Variants in KCTD8 observed in about 807,000 individuals in gnomAD.
KCTD8 encodes potassium channel tetramerization domain containing 8.
KCTD8 carries 27 observed loss-of-function variants against 31.5 expected under a neutral mutation model. That is an observed-to-expected ratio of 0.86 (90% CI 0.63 to 1.18). The LOEUF (loss-of-function observed/expected upper bound fraction) is 1.18, where lower values mean the gene tolerates loss of function less well. Among genes scored for constraint, KCTD8 ranks in the 50% most tolerant of loss-of-function variants. The probability of loss-of-function intolerance (pLI) is 0.00; values close to 1 mark genes in which losing one functional copy is unlikely to be tolerated. For synonymous variants in KCTD8, 290 were observed against 280.0 expected (o/e 1.04, Z -0.36); for missense variants, 658 against 647.7 (o/e 1.02, Z -0.17).
At chr4:44,225,536 G>A (rs1334866393) in intron 1 of KCTD8, among the ~76,000 whole-genome samples, 1 of 151,774 alleles carries the variant, frequency 6.6e-6, no homozygotes, top group East Asian at 1.9e-4. Flanking sequence ...TTATCATATT[G>A]GATTTTTTCT....
At chr4:44,177,047 T>C (rs1482643798) in intron 1 of KCTD8, among the ~76,000 whole-genome samples, 1 of 152,124 alleles carries the variant, frequency 6.6e-6, no homozygotes, top group Non-Finnish European at 1.5e-5. Flanking sequence ...AAAAAATTGT[T>C]GGGTTTTATT....
intron 1 of KCTD8, among the ~76,000 whole-genome samples, chr4:44,400,260 AGAGAT>A (rs1382326132): frequency 6.6e-6 from 1 of 152,190 alleles, no homozygotes; most frequent in Non-Finnish European, 1.5e-5. Context: ...TGTTTGAATC[AGAGAT>A]AAGATATTTA....
intron 1 of KCTD8, among the ~76,000 whole-genome samples, chr4:44,318,681 A>C (rs1718208903): frequency 2.0e-5 from 3 of 152,210 alleles, no homozygotes; most frequent in Admixed American, 2.0e-4. Flanking sequence ...AGATTTGAAG[A>C]AAACAAGTAA....
intron 1 of KCTD8, among the ~76,000 whole-genome samples, chr4:44,259,396 G>C (rs1011019317): frequency 1.3e-5 from 2 of 151,814 alleles, no homozygotes; most frequent in African/African-American, 4.8e-5. Flanking sequence ...CTGGCAAATA[G>C]AAAGTTTCTG....
At chr4:44,182,651 G>A (rs548432897) in intron 1 of KCTD8, among the ~76,000 whole-genome samples, 8 of 152,108 alleles carry the variant, frequency 5.3e-5, no homozygotes, top group African/African-American at 1.2e-4. Flanking sequence ...CAAACACTGC[G>A]GAAGGCCACA....
intron 1 of KCTD8, among the ~76,000 whole-genome samples, chr4:44,376,600 A>C (rs1249448811): frequency 6.6e-6 from 1 of 152,220 alleles, no homozygotes; most frequent in African/African-American, 2.4e-5. Context: ...AGTACATGTG[A>C]GAAACACAAA....
intron 1 of KCTD8, among the ~76,000 whole-genome samples, chr4:44,306,309 A>T (rs886999925): frequency 2.6e-5 from 4 of 152,058 alleles, no homozygotes; most frequent in Non-Finnish European, 2.9e-5. Context: ...TGATACTATC[A>T]TTATATTTCT....
At chr4:44,224,101 G>C (rs76281794) in intron 1 of KCTD8, among the ~76,000 whole-genome samples, 1 of 152,020 alleles carries the variant, frequency 6.6e-6, no homozygotes, top group African/African-American at 2.4e-5. Flanking sequence ...TCCCTTCTTC[G>C]ATGAGTAATG....
intron 1 of KCTD8, among the ~76,000 whole-genome samples, chr4:44,284,099 A>G (rs1716985391): frequency 6.6e-6 from 1 of 152,128 alleles, no homozygotes; most frequent in Non-Finnish European, 1.5e-5. Context: ...GCTACAACTG[A>G]CTTTCTTCAC....
intron 1 of KCTD8, among the ~76,000 whole-genome samples, chr4:44,269,565 C>G (rs1716511422): frequency 6.6e-6 from 1 of 151,948 alleles, no homozygotes; most frequent in Non-Finnish European, 1.5e-5. Context: ...TAAAGAGCTT[C>G]TGCACAGCAA....
chr4:44,376,979 A>C (rs1719929309), intron 1 of KCTD8, among the ~76,000 whole-genome samples: 1 of 152,202 alleles, frequency 6.6e-6, no homozygotes, highest in Non-Finnish European at 1.5e-5. Context: ...TTGAGAAAAG[A>C]CTTGTCTCCA....
chr4:44,349,807 AT>A (rs1719152042), intron 1 of KCTD8, among the ~76,000 whole-genome samples: 1 of 152,104 alleles, frequency 6.6e-6, no homozygotes, highest in African/African-American at 2.4e-5. Flanking sequence ...ACTTAATATT[AT>A]TGTTTTATTA....
chr4:44,282,046 A>G (rs774666288), intron 1 of KCTD8, among the ~76,000 whole-genome samples: 1 of 152,134 alleles, frequency 6.6e-6, no homozygotes. Context: ...GATTAACTAC[A>G]TATGGCCAGT....
chr4:44,386,652 T>C (rs147520168), intron 1 of KCTD8, among the ~76,000 whole-genome samples: 1 of 151,668 alleles, frequency 6.6e-6, no homozygotes, highest in East Asian at 2.0e-4. Context: ...TTGGCGGGAA[T>C]GTAAGTCAGT....
At chr4:44,339,804 T>C (rs1186896931) in intron 1 of KCTD8, among the ~76,000 whole-genome samples, 1 of 152,100 alleles carries the variant, frequency 6.6e-6, no homozygotes, top group Non-Finnish European at 1.5e-5. Context: ...ATCACAACAA[T>C]ACTAAAAACC....
intron 1 of KCTD8, among the ~76,000 whole-genome samples, chr4:44,242,351 G>C (rs1363629451): frequency 1.3e-5 from 2 of 152,164 alleles, no homozygotes; most frequent in Non-Finnish European, 2.9e-5. Context: ...GGCCGACGCA[G>C]GCGGATCACG....
rs1717049605 is a variant in KCTD8 at position 44,285,837 on chromosome 4, C to T, written c.962-110587G>A. 3.9e-5 allele frequency among the ~76,000 whole-genome samples: 6 copies of T among 151,962 alleles called. 1 individual carries two copies. In the South Asian group the frequency reaches 1.2e-3, roughly 32 times the overall value. ...AGATAGTGATTCCTCTGATGGATTCCTCTGATGGTAAAGTAAACTGAAAAC... is the reference window on the plus strand; with the variant it reads ...AGATAGTGATTCCTCTGATGGATTCTTCTGATGGTAAAGTAAACTGAAAAC... On this transcript the variant is annotated intron_variant, in intron 1 of 1. Transcript: ENST00000360029.
intron 1 of KCTD8, among the ~76,000 whole-genome samples, chr4:44,235,507 A>G (rs2109354422): frequency 1.5e-5 from 2 of 131,478 alleles, no homozygotes; most frequent in East Asian, 2.3e-4. Flanking sequence ...CCATGTATAC[A>G]GAAAGAGAGA....
At chr4:44,289,218 C>T (rs1007601302) in intron 1 of KCTD8, among the ~76,000 whole-genome samples, 2 of 150,826 alleles carry the variant, frequency 1.3e-5, no homozygotes, top group Non-Finnish European at 3.0e-5. Flanking sequence ...TATATAATTG[C>T]ATAACATTAC....
Sources: gnomAD v4.1 joint callset for allele counts (sites outside exome capture counted in the v4.1 genomes callset) on GRCh38, gnomAD v4.1.1 for gene constraint, MANE v1.5 for transcripts, NCBI Gene and HGNC (gene_info 2026-07-23, HGNC 2026-07-21) for gene names.